Variants in SPECC1 observed in about 807,000 individuals in gnomAD.
SPECC1 encodes sperm antigen with calponin homology and coiled-coil domains 1.
Under a neutral mutation model 104.1 loss-of-function variants are expected in SPECC1, and 62 were observed. That is an observed-to-expected ratio of 0.60 (90% CI 0.49 to 0.74). The LOEUF is 0.74. Among genes scored for constraint, SPECC1 ranks in the 30% least tolerant of loss-of-function variants. SPECC1 has a pLI of 0.00. For synonymous variants in SPECC1, 513 were observed against 501.6 expected, an observed-to-expected ratio of 1.02 and a Z score of -0.30; for missense variants, 1,306 against 1,310.5, an observed-to-expected ratio of 1.00 and a Z score of 0.05.
At chr17:20,113,245 G>A (rs572218043) in intron 3 of SPECC1, among the ~76,000 whole-genome samples, 47 of 152,134 alleles carry the variant, frequency 3.1e-4, no homozygotes, top group African/African-American at 1.1e-3. Flanking sequence ...AACAGGGTAG[G>A]GGGGTTTACC....
At chr17:20,052,547 C>T (rs1256001767) in intron 1 of SPECC1, among the ~76,000 whole-genome samples, 1 of 152,206 alleles carries the variant, frequency 6.6e-6, no homozygotes, top group African/African-American at 2.4e-5. Flanking sequence ...ATCCATACTA[C>T]TAGAGGCCCA....
chr17:20,177,871 G>T (rs892101072), intron 3 of SPECC1, among the ~76,000 whole-genome samples: 1 of 151,864 alleles, frequency 6.6e-6, no homozygotes, highest in Non-Finnish European at 1.5e-5. Context: ...CACCACGCCC[G>T]GCTAATTTTT....
At chr17:20,021,695 TATA>T (rs2044387937) in intron 1 of SPECC1, among the ~76,000 whole-genome samples, 1 of 112,290 alleles carries the variant, frequency 8.9e-6, no homozygotes, top group African/African-American at 4.7e-5. Flanking sequence ...TATATATATA[TATA>T]TATATTTTTT....
intron 3 of SPECC1, among the ~76,000 whole-genome samples, chr17:20,110,940 CT>C (rs1217867804): frequency 2.1e-4 from 32 of 152,160 alleles, no homozygotes; most frequent in Middle Eastern, 3.4e-3. Context: ...AGGTGGGTGT[CT>C]AATATTTGTA....
rs1481546487 is a variant in SPECC1, at chr17:20,232,392, A to G, written c.2338A>G (p.Arg780Gly). The G allele has an allele frequency of 6.2e-7, 1 of 1,609,928 alleles. No homozygotes were observed. Among genetic ancestry groups the G allele is most frequent in the Admixed American group, 1.7e-5 (1 of 59,238 alleles). The part of the protein sequence containing the change: ...VQGHGRVVTS[R>G]AAPPPVDEEP... ...GGGCCACGGCAGGGTGGTCACCAGCAGAGCCGCCCCTCCGTGAGTCTGGTG... is the reference window on the plus strand; with the variant it reads ...GGGCCACGGCAGGGTGGTCACCAGCGGAGCCGCCCCTCCGTGAGTCTGGTG... Residue 780 changes from arginine (R) to glycine (G), a missense_variant, in exon 7 of 15, where the codon AGA becomes GGA. Transcript: ENST00000395527.
intron 1 of SPECC1, among the ~76,000 whole-genome samples, chr17:20,047,134 G>A (rs943997500): frequency 2.0e-5 from 3 of 152,184 alleles, no homozygotes; most frequent in African/African-American, 7.2e-5. Flanking sequence ...TTTTCTTAAG[G>A]ATTCTTGAGT....
At chr17:20,273,416 G>A (rs138525719) in intron 12 of SPECC1, among the ~76,000 whole-genome samples, 231 of 151,722 alleles carry the variant, frequency 1.5e-3, no homozygotes, top group Non-Finnish European at 2.1e-3. Context: ...AGGCGGAGGC[G>A]AGATCGTGCC....
At chr17:20,089,574 T>C (rs2047318920) in intron 1 of SPECC1, among the ~76,000 whole-genome samples, 1 of 151,972 alleles carries the variant, frequency 6.6e-6, no homozygotes, top group Non-Finnish European at 1.5e-5. Flanking sequence ...TGTAGTGAAT[T>C]GTGATTATGC....
intron 3 of SPECC1, among the ~76,000 whole-genome samples, chr17:20,187,924 G>A (rs185503234): frequency 8.9e-4 from 135 of 152,342 alleles, no homozygotes; most frequent in Admixed American, 2.5e-3. Flanking sequence ...ATGTCACGTG[G>A]AAGAGGCAAT....
rs574017657 is a variant in SPECC1, at chr17:20,273,249, C to T, written c.2940+12955C>T. On this transcript the variant is annotated intron_variant, in intron 12 of 14. Coordinates refer to ENST00000395527, the MANE Select transcript of SPECC1 (RefSeq NM_001243439.2). ...CTGTAGTCCCAGCACTTTGGGAGGC[C>T]GAGGTGGGTGGATTGCTTGAGGCCA... Among the ~76,000 whole-genome samples, 8 of 152,200 alleles carry T rather than the reference C, an allele frequency of 5.3e-5. No individual in the cohort carries two copies. In the East Asian group the frequency reaches 1.2e-3, roughly 22 times the overall value.
chr17:20,026,906 T>C (rs2044622096), intron 1 of SPECC1, among the ~76,000 whole-genome samples: 1 of 152,162 alleles, frequency 6.6e-6, no homozygotes, highest in Non-Finnish European at 1.5e-5. Flanking sequence ...CTACCCACAG[T>C]GTATAGGAGT....
chr17:20,177,951 G>A (rs1416471516), intron 3 of SPECC1, among the ~76,000 whole-genome samples: 3 of 151,890 alleles, frequency 2.0e-5, no homozygotes, highest in Non-Finnish European at 4.4e-5. Flanking sequence ...CTCGTGATCC[G>A]CCTGCCTCGG....
chr17:20,095,957 C>G (rs996286118), intron 1 of SPECC1: 2 of 152,268 alleles, frequency 1.3e-5, no homozygotes, highest in Non-Finnish European at 2.9e-5. Flanking sequence ...ATCACAGTGC[C>G]GGTCCCTGCT....
At chr17:20,064,836 G>A (rs1176541232) in intron 1 of SPECC1, among the ~76,000 whole-genome samples, 1 of 152,024 alleles carries the variant, frequency 6.6e-6, no homozygotes, top group African/African-American at 2.4e-5. Context: ...CTCCTTGCCG[G>A]GTGTGGTATG....
chr17:20,060,971 A>C (rs1597632073), intron 1 of SPECC1, among the ~76,000 whole-genome samples: 1 of 152,270 alleles, frequency 6.6e-6, no homozygotes, highest in Non-Finnish European at 1.5e-5. Context: ...TATACATTTC[A>C]AACTTAATGA....
At chr17:20,308,700 C>CT (rs2041844410) in intron 14 of SPECC1, among the ~76,000 whole-genome samples, 1 of 152,158 alleles carries the variant, frequency 6.6e-6, no homozygotes. Context: ...TTTGCTAAAT[C>CT]TTTAAGACGC....
At chr17:20,148,745 G>A (rs2031706846) in intron 3 of SPECC1, among the ~76,000 whole-genome samples, 1 of 151,704 alleles carries the variant, frequency 6.6e-6, no homozygotes, top group African/African-American at 2.4e-5. Flanking sequence ...TTGAGACAGA[G>A]TTTTGCTCTT....
chr17:20,096,947 A>AT (rs2047677171), intron 2 of SPECC1, 149 bp downstream of exon 2: 1 of 1,044,302 alleles, frequency 9.6e-7, no homozygotes, highest in Non-Finnish European at 1.4e-6. Flanking sequence ...ATGCCTGGAC[A>AT]TGAAGGAATA....
intron 1 of SPECC1, among the ~76,000 whole-genome samples, chr17:20,037,650 A>G (rs189383624): frequency 9.7e-4 from 147 of 152,266 alleles, no homozygotes; most frequent in Middle Eastern, 3.4e-3. Flanking sequence ...GATGCTATGT[A>G]GAGTTGGTGG....
Sources: allele counts gnomAD v4.1 joint callset (sites outside exome capture counted in the v4.1 genomes callset), GRCh38; gene constraint gnomAD v4.1.1; transcripts MANE v1.5; gene names NCBI Gene and HGNC (gene_info 2026-07-23, HGNC 2026-07-21).